Variants in CPLX2 observed in about 807,000 individuals in gnomAD.
The protein encoded by CPLX2 is complexin-2.
Under a neutral mutation model 16.3 loss-of-function variants are expected in CPLX2, and 5 were observed. That is an observed-to-expected ratio of 0.31 (90% CI 0.16 to 0.64). The LOEUF is 0.64. CPLX2 is among the 30% of genes least tolerant of loss of function. The pLI is 0.79. For missense variants in CPLX2, 144 were observed against 181.4 expected (o/e 0.79, Z 1.18); for synonymous variants, 89 against 73.2 (o/e 1.22, Z -1.10).
In CPLX2 at chr5:175,878,984, G is replaced by A. The variant is rs1219546288; in HGVS notation, c.108G>A (p.Glu36=). 5.0e-6 allele frequency: 8 copies of A among 1,602,474 alleles called. No homozygotes were observed. The highest frequency in any genetic ancestry group is 1.1e-5 in the South Asian group (1 of 88,792). ...KDPDAQKKEE[E]RQEALRQQEE... is the part of the protein sequence containing the mutation. ...CCGACGCGCAGAAAAAGGAGGAGGA[G>A]CGGCAGGAGGCGCTGCGGCAGCAGG... The change falls in exon 3 of 4, where the codon GAG becomes GAA. Residue 36 remains glutamate (E), a synonymous_variant. Coordinates refer to ENST00000393745, the MANE Select transcript of CPLX2 (RefSeq NM_001008220.2).
intron 2 of CPLX2, among the ~76,000 whole-genome samples, chr5:175,856,154 C>T (rs1333512795): frequency 6.6e-6 from 1 of 152,212 alleles, no homozygotes; most frequent in African/African-American, 2.4e-5. Context: ...TGGCAAGTTT[C>T]CTAACCTCTC....
chr5:175,842,670 A>C (rs1758966178), intron 2 of CPLX2, among the ~76,000 whole-genome samples: 1 of 151,530 alleles, frequency 6.6e-6, no homozygotes. Flanking sequence ...CAGGCCCTCT[A>C]CCTCTGAGGC....
intron 2 of CPLX2, among the ~76,000 whole-genome samples, chr5:175,817,719 C>T (rs1057012541): frequency 2.6e-5 from 4 of 152,154 alleles, no homozygotes; most frequent in Admixed American, 6.5e-5. Flanking sequence ...AGTCTTTGCC[C>T]TCAGGAGTTG....
At chr5:175,836,838 TGCAAGGCAGGCAGA>T (rs879760777) in intron 2 of CPLX2, among the ~76,000 whole-genome samples, 4 of 152,206 alleles carry the variant, frequency 2.6e-5, no homozygotes, top group Non-Finnish European at 4.4e-5. Flanking sequence ...ATCCTTGCCC[TGCAAGGCAGGCAGA>T]GCAAGTGCCA....
At chr5:175,843,878 G>A (rs544529787) in intron 2 of CPLX2, among the ~76,000 whole-genome samples, 3 of 152,346 alleles carry the variant, frequency 2.0e-5, no homozygotes, top group Admixed American at 2.0e-4. Context: ...TGTAGGGAGG[G>A]TTCCCAGGAG....
At chr5:175,833,820 A>G (rs1758775581) in intron 2 of CPLX2, among the ~76,000 whole-genome samples, 1 of 152,108 alleles carries the variant, frequency 6.6e-6, no homozygotes, top group Non-Finnish European at 1.5e-5. Context: ...CTTTGCCCAG[A>G]CCGCAGGCTC....
intron 2 of CPLX2, chr5:175,837,804 G>A (rs1367859230): frequency 6.6e-6 from 1 of 152,146 alleles, no homozygotes; most frequent in Non-Finnish European, 1.5e-5. Flanking sequence ...TGTACATGAT[G>A]CTCCCTGTTG....
chr5:175,835,317 T>TA (rs1472175315), intron 2 of CPLX2, among the ~76,000 whole-genome samples: 1 of 152,200 alleles, frequency 6.6e-6, no homozygotes, highest in African/African-American at 2.4e-5. Context: ...GCTCCCTTTT[T>TA]AAAAAAGTAA....
At chr5:175,823,887 A>C (rs1758557990) in intron 2 of CPLX2, among the ~76,000 whole-genome samples, 1 of 152,178 alleles carries the variant, frequency 6.6e-6, no homozygotes, top group Admixed American at 6.5e-5. Context: ...AGAGAGACAG[A>C]TTATGTAAAC....
intron 2 of CPLX2, among the ~76,000 whole-genome samples, chr5:175,810,659 T>C (rs984023946): frequency 6.6e-6 from 1 of 152,224 alleles, no homozygotes; most frequent in African/African-American, 2.4e-5. Context: ...CTCTCTTTCT[T>C]GTCTCTAAGC....
chr5:175,867,146 T>C (rs1759492518), upstream of CPLX2, among the ~76,000 whole-genome samples: 1 of 152,062 alleles, frequency 6.6e-6, no homozygotes, highest in Non-Finnish European at 1.5e-5. Flanking sequence ...AGCCAGCAAG[T>C]TGGATTAATC....
upstream of CPLX2, among the ~76,000 whole-genome samples, chr5:175,869,388 G>A (rs56279513): frequency 0.067 from 10,260 of 152,162 alleles, 536 homozygotes; most frequent in East Asian, 0.16. Context: ...CAGAGATAGA[G>A]AACCCATAAC....
chr5:175,857,237 C>T (rs896615215), intron 2 of CPLX2, among the ~76,000 whole-genome samples: 2 of 152,150 alleles, frequency 1.3e-5, no homozygotes, highest in Non-Finnish European at 2.9e-5. Flanking sequence ...CACTTTCTGC[C>T]CCAGATCTTC....
At chr5:175,838,681 T>C (rs1758889422) in intron 2 of CPLX2, among the ~76,000 whole-genome samples, 1 of 152,132 alleles carries the variant, frequency 6.6e-6, no homozygotes, top group East Asian at 1.9e-4. Flanking sequence ...CCAGCTTTTC[T>C]AGTTCTTTGA....
intron 2 of CPLX2, among the ~76,000 whole-genome samples, chr5:175,817,590 T>A (rs1468528075): frequency 6.6e-6 from 1 of 152,192 alleles, no homozygotes; most frequent in Non-Finnish European, 1.5e-5. Flanking sequence ...GCCCTGAGCA[T>A]CTTGCTCCAT....
At chr5:175,868,718 G>A (rs1759524801), upstream of CPLX2, among the ~76,000 whole-genome samples, 1 of 150,904 alleles carries the variant, frequency 6.6e-6, no homozygotes, top group Admixed American at 6.6e-5. Context: ...TTCTTTTAGT[G>A]AGAAACTGGA....
upstream of CPLX2, among the ~76,000 whole-genome samples, chr5:175,870,893 G>A (rs558450012): frequency 1.3e-5 from 2 of 152,190 alleles, no homozygotes; most frequent in Non-Finnish European, 2.9e-5. Flanking sequence ...CCCACTGCGA[G>A]GGTCTTGCCC....
At chr5:175,823,994 T>A (rs1027950236) in intron 2 of CPLX2, among the ~76,000 whole-genome samples, 2 of 152,132 alleles carry the variant, frequency 1.3e-5, no homozygotes, top group African/African-American at 4.8e-5. Context: ...TGGGGCTTGC[T>A]GGGGAGGAGA....
chr5:175,797,026 T>C (rs1385116971), intron 1 of CPLX2, among the ~76,000 whole-genome samples: 1 of 152,080 alleles, frequency 6.6e-6, no homozygotes, highest in Non-Finnish European at 1.5e-5. Flanking sequence ...ACCGGGTCCC[T>C]ATCGGGTCAG....
Sources: allele counts gnomAD v4.1 joint callset (sites outside exome capture counted in the v4.1 genomes callset), GRCh38; gene constraint gnomAD v4.1.1; transcripts MANE v1.5; gene names NCBI Gene and HGNC (gene_info 2026-07-23, HGNC 2026-07-21).